Variants in SGCD observed in about 807,000 individuals in gnomAD.
SGCD encodes sarcoglycan delta.
A neutral mutation model predicts 36.6 loss-of-function variants in SGCD; 18 were observed. The observed-to-expected ratio is 0.49, with a 90% confidence interval of 0.34 to 0.73. The LOEUF (loss-of-function observed/expected upper bound fraction) is 0.73. SGCD is among the 30% of genes least tolerant of loss of function. The pLI, the probability that SGCD is intolerant of heterozygous loss-of-function variation, is 0.01. For missense variants in SGCD, 387 were observed against 346.7 expected, an observed-to-expected ratio of 1.12 and a Z score of -0.92; for synonymous variants, 133 against 130.6, an observed-to-expected ratio of 1.02 and a Z score of -0.12.
At chr5:156,521,648 A>G (rs1479329334) in intron 4 of SGCD, among the ~76,000 whole-genome samples, 1 of 152,218 alleles carries the variant, frequency 6.6e-6, no homozygotes, top group Admixed American at 6.5e-5. Context: ...ACAATGAGAT[A>G]CCACCTCACG....
At chr5:156,729,798 A>C (rs550161231) in intron 7 of SGCD, among the ~76,000 whole-genome samples, 1 of 152,322 alleles carries the variant, frequency 6.6e-6, no homozygotes, top group African/African-American at 2.4e-5. Context: ...TCTCCTCAGC[A>C]AGGCCCTGAA....
intron 4 of SGCD, among the ~76,000 whole-genome samples, chr5:156,553,207 G>A (rs1758867180): frequency 6.6e-6 from 1 of 152,130 alleles, no homozygotes; most frequent in Non-Finnish European, 1.5e-5. Context: ...GTTCATGAGG[G>A]ATCCAACCCC....
intron 1 of SGCD, among the ~76,000 whole-genome samples, chr5:155,890,181 C>G (rs1278187672): frequency 6.6e-6 from 1 of 152,164 alleles, no homozygotes; most frequent in Non-Finnish European, 1.5e-5. Flanking sequence ...AGAGAACAAC[C>G]ACCATGAAGA....
At chr5:156,532,357 G>A (rs1324346526) in intron 4 of SGCD, among the ~76,000 whole-genome samples, 1 of 152,150 alleles carries the variant, frequency 6.6e-6, no homozygotes, top group Non-Finnish European at 1.5e-5. Flanking sequence ...TATTGTGATT[G>A]CTCATAAATG....
At chr5:156,225,113 C>A (rs1764818065) in intron 3 of SGCD, among the ~76,000 whole-genome samples, 1 of 152,080 alleles carries the variant, frequency 6.6e-6, no homozygotes, top group Non-Finnish European at 1.5e-5. Flanking sequence ...CAAATCTATT[C>A]ATTCCACTAG....
chr5:156,587,223 CT>C (rs1760533041), intron 4 of SGCD, among the ~76,000 whole-genome samples: 1 of 152,182 alleles, frequency 6.6e-6, no homozygotes, highest in Non-Finnish European at 1.5e-5. Context: ...AAGTTTTCCT[CT>C]GGCAAGTCTC....
At chr5:156,008,083 C>G (rs565556056) in intron 1 of SGCD, among the ~76,000 whole-genome samples, 1 of 152,060 alleles carries the variant, frequency 6.6e-6, no homozygotes, top group Non-Finnish European at 1.5e-5. Context: ...CAACTTTACC[C>G]GTTGTGCTAG....
At chr5:156,091,444 C>A (rs1458381989) in intron 1 of SGCD, among the ~76,000 whole-genome samples, 1 of 152,186 alleles carries the variant, frequency 6.6e-6, no homozygotes, top group African/African-American at 2.4e-5. Flanking sequence ...GCCCTCTGTG[C>A]AGCAGTACTG....
intron 3 of SGCD, among the ~76,000 whole-genome samples, chr5:156,298,484 T>C (rs1766959752): frequency 6.6e-6 from 1 of 152,150 alleles, no homozygotes; most frequent in Non-Finnish European, 1.5e-5. Flanking sequence ...TGATATTTCA[T>C]TGTAGTTTTG....
chr5:156,543,117 A>G (rs944524512), intron 4 of SGCD, among the ~76,000 whole-genome samples: 15 of 152,232 alleles, frequency 9.9e-5, no homozygotes, highest in Admixed American at 9.8e-4. Flanking sequence ...GGCTGGTTTC[A>G]TCTAAACCAG....
chr5:156,548,960 C>G (rs140788534), intron 4 of SGCD, among the ~76,000 whole-genome samples: 2 of 152,174 alleles, frequency 1.3e-5, no homozygotes, highest in East Asian at 3.9e-4. Context: ...TTGATTCAGC[C>G]TTGAGCTCCT....
intron 3 of SGCD, among the ~76,000 whole-genome samples, chr5:156,295,405 C>G (rs1391237697): frequency 6.6e-6 from 1 of 152,118 alleles, no homozygotes; most frequent in African/African-American, 2.4e-5. Flanking sequence ...GAAGAACCAT[C>G]TCTTGATTTC....
the SGCD span, among the ~76,000 whole-genome samples, chr5:155,770,722 T>TTGAA: frequency 6.6e-6 from 1 of 152,164 alleles, no homozygotes; most frequent in Non-Finnish European, 1.5e-5. Context: ...TAAGTACTTG[T>TTGAA]TGCATTATTG....
intron 4 of SGCD, among the ~76,000 whole-genome samples, chr5:156,560,818 G>A (rs1422195244): frequency 6.6e-6 from 1 of 151,718 alleles, no homozygotes; most frequent in Non-Finnish European, 1.5e-5. Flanking sequence ...TGTTTTTTTT[G>A]GATCAAATTA....
At position 156,762,577 on chromosome 5, in the gene SGCD, T is replaced by G. The variant is rs567259052; in HGVS notation, c.*3187T>G. 1 of 152,760 alleles carries G rather than the reference T, an allele frequency of 6.5e-6. No individual in the cohort carries two copies. Among genetic ancestry groups the G allele is most frequent in the African/African-American group, 2.4e-5 (1 of 41,570 alleles). The allele number at this position is 152,760 out of a possible 1,614,324, so 9.5% of individuals were successfully genotyped here. A position where few individuals can be genotyped will look rare whatever the true frequency, so the allele number is the denominator to read the frequency against. ...ATATCCAGCAACTATAGACCAAAGTTTGCTTAAGGTTTGACCCTAGAGCAG... is the reference window on the plus strand; with the variant it reads ...ATATCCAGCAACTATAGACCAAAGTGTGCTTAAGGTTTGACCCTAGAGCAG... On this transcript the variant is annotated 3_prime_UTR_variant, in exon 9 of 9. Transcript: ENST00000337851.
At position 156,460,584 on chromosome 5, in the gene SGCD, A is replaced by G. The variant is rs151012780; in HGVS notation, c.193-48017A>G. 9.6e-4 allele frequency among the ~76,000 whole-genome samples: 146 copies of G among 152,298 alleles called. 1 individual carries two copies. In the East Asian group the frequency reaches 0.026, roughly 28 times the overall value. On this transcript the variant is annotated intron_variant, in intron 3 of 8. Transcript: ENST00000337851. ...TCTTAAATATTGTGTCTGGTTATCA[A>G]TGTTGTTGTATGAATGAGTTAGTGA...
chr5:156,390,588 G>T (rs1771512072), intron 3 of SGCD, among the ~76,000 whole-genome samples: 1 of 152,108 alleles, frequency 6.6e-6, no homozygotes, highest in Non-Finnish European at 1.5e-5. Flanking sequence ...AGATCAGCCG[G>T]GTGTGGTGGC....
intron 3 of SGCD, among the ~76,000 whole-genome samples, chr5:156,297,897 G>A (rs1474546167): frequency 6.6e-6 from 1 of 151,012 alleles, no homozygotes; most frequent in Non-Finnish European, 1.5e-5. Flanking sequence ...CTATATTTTT[G>A]TACTCAGTAG....
intron 1 of SGCD, among the ~76,000 whole-genome samples, chr5:156,065,358 A>G (rs1760313593): frequency 8.5e-6 from 1 of 117,222 alleles, no homozygotes. Context: ...ACTTCCAACT[A>G]TGTGGTCAAT....
Sources: gnomAD v4.1 joint callset for allele counts (sites outside exome capture counted in the v4.1 genomes callset) on GRCh38, gnomAD v4.1.1 for gene constraint, MANE v1.5 for transcripts, NCBI Gene and HGNC (gene_info 2026-07-23, HGNC 2026-07-21) for gene names.